MSRA: variants seen among roughly 807,000 people sequenced by gnomAD.
MSRA encodes mitochondrial peptide methionine sulfoxide reductase.
A neutral mutation model predicts 31.3 loss-of-function variants in MSRA; 54 were observed. The ratio of observed to expected loss-of-function variants is 1.73; its 90% CI spans 1.39 to 2.17. The LOEUF (loss-of-function observed/expected upper bound fraction) is 2.17. Among genes scored for constraint, MSRA ranks in the 30% most tolerant of loss-of-function variants. The pLI is 0.00. For missense variants in MSRA, 507 were observed against 300.9 expected, an observed-to-expected ratio of 1.69 and a Z score of -5.07; for synonymous variants, 169 against 116.5, an observed-to-expected ratio of 1.45 and a Z score of -2.90.
chr8:10,063,172 C>T, intron 1 of MSRA, among the ~76,000 whole-genome samples: 1 of 152,216 alleles, frequency 6.6e-6, no homozygotes, highest in East Asian at 1.9e-4. Context: ...GCTCTCCTCT[C>T]AAATCCCAGA....
At chr8:10,426,953 C>T (rs1271299025) in intron 5 of MSRA, among the ~76,000 whole-genome samples, 1 of 59,076 alleles carries the variant, frequency 1.7e-5, no homozygotes, top group African/African-American at 6.1e-5. Flanking sequence ...GGGACCCTGC[C>T]CCTTGTCGTT....
intron 5 of MSRA, among the ~76,000 whole-genome samples, chr8:10,409,888 T>C (rs1458419542): frequency 6.6e-6 from 1 of 152,104 alleles, no homozygotes; most frequent in East Asian, 1.9e-4. Flanking sequence ...ATAGACCCTG[T>C]CTCTACAGAA....
At chr8:10,248,528 T>A (rs906088321) in intron 3 of MSRA, among the ~76,000 whole-genome samples, 16 of 152,164 alleles carry the variant, frequency 1.1e-4, no homozygotes, top group Admixed American at 1.0e-3. Context: ...ACCCCTGCTG[T>A]GCCAGTGGGT....
At chr8:10,169,191 C>A (rs564877028) in intron 1 of MSRA, among the ~76,000 whole-genome samples, 11 of 152,296 alleles carry the variant, frequency 7.2e-5, no homozygotes, top group Middle Eastern at 3.4e-3. Flanking sequence ...GCTTGGTACT[C>A]CCTCACCCCT....
intron 1 of MSRA, among the ~76,000 whole-genome samples, chr8:10,151,239 G>C (rs777424310): frequency 1.7e-4 from 24 of 144,304 alleles, no homozygotes; most frequent in Non-Finnish European, 3.2e-4. Flanking sequence ...TCCAGCCTGG[G>C]TGACAGAGCG....
chr8:10,340,932 C>T (rs1484302341), intron 5 of MSRA, among the ~76,000 whole-genome samples: 2 of 152,122 alleles, frequency 1.3e-5, no homozygotes, highest in Admixed American at 6.5e-5. Flanking sequence ...AAAAAAGATG[C>T]CCCTGATAAG....
intron 2 of MSRA, among the ~76,000 whole-genome samples, chr8:10,212,401 C>T (rs1221759209): frequency 2.0e-5 from 3 of 152,012 alleles, no homozygotes; most frequent in South Asian, 4.2e-4. Context: ...AATAAATACA[C>T]ACCAAGTTAA....
chr8:10,428,556 G>A lies in MSRA; in HGVS notation c.*244G>A. 1 of 461,262 alleles carries A rather than the reference G, an allele frequency of 2.2e-6. No individual in the cohort carries two copies. The highest frequency in any genetic ancestry group is 2.2e-5 in the South Asian group (1 of 45,016). 28.6% of individuals were successfully genotyped at this position (461,262 alleles called of 1,614,324 possible). On this transcript the variant is annotated 3_prime_UTR_variant, in exon 6 of 6. Transcript: ENST00000317173. ...CAGTTTCCTGTGTCTTCTGGGGTCT[G>A]AGTGAAGATAGCAGGGATGCTGTGT...
At chr8:10,167,660 C>G (rs1471268808) in intron 1 of MSRA, among the ~76,000 whole-genome samples, 1 of 152,130 alleles carries the variant, frequency 6.6e-6, no homozygotes, top group East Asian at 1.9e-4. Context: ...GCATCTTTTG[C>G]TCCCCTACAT....
intron 5 of MSRA, among the ~76,000 whole-genome samples, chr8:10,355,776 AGCCAGGAAGATAT>A (rs1344520553): frequency 6.6e-6 from 1 of 152,100 alleles, no homozygotes. Flanking sequence ...CCAGGGGTCT[AGCCAGGAAGATAT>A]GCCATATCAG....
chr8:10,194,474 G>T (rs1360250311), intron 1 of MSRA, among the ~76,000 whole-genome samples: 1 of 152,166 alleles, frequency 6.6e-6, no homozygotes, highest in South Asian at 2.1e-4. Context: ...GCTGAGGCAG[G>T]AAAATGGCTT....
intron 5 of MSRA, among the ~76,000 whole-genome samples, chr8:10,360,658 G>C (rs1347428952): frequency 6.6e-6 from 1 of 152,184 alleles, no homozygotes; most frequent in Non-Finnish European, 1.5e-5. Flanking sequence ...TCTAACTCTG[G>C]GTTTGAACTC....
intron 1 of MSRA, among the ~76,000 whole-genome samples, chr8:10,179,271 G>A (rs759038185): frequency 2.0e-5 from 3 of 152,074 alleles, no homozygotes; most frequent in Non-Finnish European, 4.4e-5. Flanking sequence ...GAAATACTTG[G>A]ATCTGCATGC....
At chr8:10,412,486 G>C (rs1216580205) in intron 5 of MSRA, among the ~76,000 whole-genome samples, 1 of 152,210 alleles carries the variant, frequency 6.6e-6, no homozygotes, top group Non-Finnish European at 1.5e-5. Flanking sequence ...TGATGTTCCA[G>C]GTATAGAACG....
intron 1 of MSRA, among the ~76,000 whole-genome samples, chr8:10,070,970 G>C (rs982042833): frequency 2.0e-5 from 3 of 152,184 alleles, no homozygotes; most frequent in African/African-American, 4.8e-5. Context: ...TTCATGTCCA[G>C]GTTTTTGTGT....
intron 1 of MSRA, among the ~76,000 whole-genome samples, chr8:10,129,302 C>G (rs1376582609): frequency 6.6e-6 from 1 of 152,114 alleles, no homozygotes; most frequent in Non-Finnish European, 1.5e-5. Flanking sequence ...GAGAAACAAA[C>G]TCGGGCTTCA....
At chr8:10,087,954 C>T (rs1264693221) in intron 1 of MSRA, among the ~76,000 whole-genome samples, 1 of 152,108 alleles carries the variant, frequency 6.6e-6, no homozygotes, top group Non-Finnish European at 1.5e-5. Flanking sequence ...CGGTTTTTGC[C>T]ATTACTTTTA....
intron 5 of MSRA, among the ~76,000 whole-genome samples, chr8:10,400,900 A>C (rs1807420504): frequency 6.6e-6 from 1 of 152,218 alleles, no homozygotes; most frequent in South Asian, 2.1e-4. Context: ...ACCTAAATAT[A>C]AGAGCTAAAA....
intron 5 of MSRA, among the ~76,000 whole-genome samples, chr8:10,375,709 T>C (rs1275317375): frequency 6.6e-6 from 1 of 152,202 alleles, no homozygotes; most frequent in African/African-American, 2.4e-5. Flanking sequence ...AGGTACACCA[T>C]GCTGGTGCCT....
Sources: gnomAD v4.1 joint callset for allele counts (sites outside exome capture counted in the v4.1 genomes callset) on GRCh38, gnomAD v4.1.1 for gene constraint, MANE v1.5 for transcripts, NCBI Gene and HGNC (gene_info 2026-07-23, HGNC 2026-07-21) for gene names.